The following CUBN variants were observed in gnomAD, a reference collection of about 807,000 sequenced individuals.
CUBN encodes the protein cubilin, also known as 460 kDa receptor.
In CUBN, 282 loss-of-function variants were observed where a neutral mutation model predicts 405.3. The ratio of observed to expected loss-of-function variants is 0.70; its 90% CI spans 0.63 to 0.77. The LOEUF (loss-of-function observed/expected upper bound fraction) is 0.77, where lower values mean the gene tolerates loss of function less well. Among genes scored for constraint, CUBN ranks in the 30% least tolerant of loss-of-function variants. CUBN has a pLI of 0.00. For synonymous variants in CUBN, 1,684 were observed against 1,617.0 expected (o/e 1.04, Z -0.99); for missense variants, 4,514 against 4,475.2 (o/e 1.01, Z -0.25).
intron 52 of CUBN, 34 bp from the exon 53 acceptor site, chr10:16,900,884 G>T: frequency 7.0e-7 from 1 of 1,418,450 alleles, no homozygotes; most frequent in Non-Finnish European, 9.9e-7. Flanking sequence ...TTGTCAGTGA[G>T]CTTTTATCAA....
At chr10:16,865,613 G>C (rs1451329513) in intron 59 of CUBN, among the ~76,000 whole-genome samples, 1 of 152,012 alleles carries the variant, frequency 6.6e-6, no homozygotes, top group East Asian at 1.9e-4. Flanking sequence ...GCTAGCAAGA[G>C]GATTGTAAAA....
intron 54 of CUBN, among the ~76,000 whole-genome samples, chr10:16,891,900 C>T (rs1168306494): frequency 5.9e-5 from 9 of 152,026 alleles, no homozygotes; most frequent in South Asian, 2.1e-4. Flanking sequence ...CTGCAATACC[C>T]AATATGCCCT....
chr10:16,909,538 G>C (rs1437759409), intron 48 of CUBN, among the ~76,000 whole-genome samples: 6 of 152,136 alleles, frequency 3.9e-5, no homozygotes, highest in African/African-American at 1.2e-4. Context: ...AAACAGGAAT[G>C]GGCACCACAT....
chr10:17,060,565 A>G (rs1327841959), intron 22 of CUBN, among the ~76,000 whole-genome samples: 1 of 152,236 alleles, frequency 6.6e-6, no homozygotes, highest in Non-Finnish European at 1.5e-5. Context: ...AACTGAGCAG[A>G]GAAGTGCTGG....
Position 16,832,366 on chromosome 10 carries a change from A to G in CUBN, c.10363-949T>C, listed in dbSNP as rs1326895920. Among the ~76,000 whole-genome samples the G allele has an allele frequency of 2.0e-5, 3 of 152,360 alleles. No individual in the cohort carries two copies. In the East Asian group the frequency reaches 5.8e-4, roughly 29 times the overall value. ...GTTAATTGCTGGTATCTTAAGTCAC[A>G]AAGTTAAGACATCTTGCTGGGCTGT... On this transcript the variant is annotated intron_variant, in intron 64 of 66. Coordinates refer to ENST00000377833, the MANE Select transcript of CUBN (RefSeq NM_001081.4).
At chr10:16,940,701 A>G (rs1842629036) in intron 36 of CUBN, among the ~76,000 whole-genome samples, 2 of 152,202 alleles carry the variant, frequency 1.3e-5, no homozygotes, top group African/African-American at 2.4e-5. Context: ...ACATGTGCAG[A>G]GAAGGGCGGG....
rs761766641 is a variant in CUBN at position 17,071,410 on chromosome 10, A to AT, written c.2625+15dup. The AT allele has an allele frequency of 2.2e-5, 35 of 1,612,946 alleles. No homozygotes were observed. The highest frequency in any genetic ancestry group is 5.0e-5 in the Admixed American group (3 of 59,950). On this transcript the variant is annotated intron_variant, in intron 19 of 66. Coordinates refer to ENST00000377833, the MANE Select transcript of CUBN (RefSeq NM_001081.4). Reference sequence around the variant, plus strand: ...TATACAACCAAATACAAATTCAAAGATTTTTTCCCTCTTACCTCAACATAA... The same window carrying AT: ...TATACAACCAAATACAAATTCAAAGATTTTTTTCCCTCTTACCTCAACATAA...
At chr10:17,107,403 A>T (rs1478965197) in intron 10 of CUBN, among the ~76,000 whole-genome samples, 1 of 152,304 alleles carries the variant, frequency 6.6e-6, no homozygotes, top group East Asian at 1.9e-4. Flanking sequence ...TTAAAGATGG[A>T]TAGAAAAACC....
chr10:16,862,160 T>TCTCACACACACA (rs144560387), intron 59 of CUBN, among the ~76,000 whole-genome samples: 16 of 131,206 alleles, frequency 1.2e-4, no homozygotes, highest in African/African-American at 2.3e-4. Context: ...TCTCTCTCTC[T>TCTCACACACACA]CACACACACA....
intron 28 of CUBN, among the ~76,000 whole-genome samples, chr10:17,004,758 C>A (rs916813591): frequency 2.0e-5 from 3 of 151,080 alleles, no homozygotes; most frequent in Non-Finnish European, 2.9e-5. Context: ...CAACCTCTGC[C>A]TCCCAGTTTC....
chr10:17,025,474 ATAATGGTAC>A (rs1834634701), intron 27 of CUBN, among the ~76,000 whole-genome samples: 1 of 152,260 alleles, frequency 6.6e-6, no homozygotes, highest in Admixed American at 6.5e-5. Flanking sequence ...ATCTGGCACC[ATAATGGTAC>A]TTATCTCATA....
intron 14 of CUBN, among the ~76,000 whole-genome samples, chr10:17,095,699 A>C (rs1836358854): frequency 6.6e-6 from 1 of 152,106 alleles, no homozygotes; most frequent in Non-Finnish European, 1.5e-5. Flanking sequence ...TCAAAAAATT[A>C]AACACAGAGC....
intron 27 of CUBN, among the ~76,000 whole-genome samples, chr10:17,030,450 A>ATTATTCTAATTTAAAAT (rs1834764621): frequency 6.6e-6 from 1 of 152,200 alleles, no homozygotes; most frequent in African/African-American, 2.4e-5. Flanking sequence ...CATGCTGGTC[A>ATTATTCTAATTTAAAAT]TTATTCTAAT....
At chr10:16,922,408 C>T (rs1564425459) in intron 43 of CUBN, among the ~76,000 whole-genome samples, 1 of 152,132 alleles carries the variant, frequency 6.6e-6, no homozygotes, top group Non-Finnish European at 1.5e-5. Context: ...CCCTAAATTA[C>T]TCTTTCATCT....
At chr10:17,122,420 G>A (rs1837063470) in intron 6 of CUBN, 1 of 360,068 alleles carries the variant, frequency 2.8e-6, no homozygotes, top group Admixed American at 4.3e-5. Flanking sequence ...GGGGACACTG[G>A]TGTGGTGGGG....
intron 27 of CUBN, among the ~76,000 whole-genome samples, chr10:17,037,390 T>C (rs900843886): frequency 2.6e-5 from 4 of 152,204 alleles, no homozygotes; most frequent in Non-Finnish European, 5.9e-5. Context: ...AATATCTCTG[T>C]TTAGATTCTT....
At chr10:17,026,584 A>C (rs1444180022) in intron 27 of CUBN, among the ~76,000 whole-genome samples, 1 of 151,978 alleles carries the variant, frequency 6.6e-6, no homozygotes, top group Non-Finnish European at 1.5e-5. Context: ...CAGTGAGCCG[A>C]GATCGCACCA....
chr10:16,843,886 A>G (rs948254172), intron 60 of CUBN, among the ~76,000 whole-genome samples: 2 of 152,206 alleles, frequency 1.3e-5, no homozygotes, highest in Non-Finnish European at 2.9e-5. Flanking sequence ...ATAGAGAAAA[A>G]TAAGTGCTAC....
At chr10:16,904,264 T>C in intron 50 of CUBN, 149 bp from the exon 51 acceptor site, 1 of 785,554 alleles carries the variant, frequency 1.3e-6, no homozygotes, top group Non-Finnish European at 2.1e-6. Flanking sequence ...TTTGTGTGTC[T>C]CTGTTAACTG....
Sources: gnomAD v4.1 joint callset for allele counts (sites outside exome capture counted in the v4.1 genomes callset) on GRCh38, gnomAD v4.1.1 for gene constraint, MANE v1.5 for transcripts, NCBI Gene and HGNC (gene_info 2026-07-23, HGNC 2026-07-21) for gene names.